The following KCND2 variants were observed in gnomAD, a reference collection of about 807,000 sequenced individuals.
KCND2 encodes the protein A-type voltage-gated potassium channel KCND2.
In KCND2, 16 loss-of-function variants were observed where a neutral mutation model predicts 54.4. The observed-to-expected ratio is 0.29, with a 90% CI of 0.20 to 0.45. The LOEUF is 0.45. Among genes scored for constraint, KCND2 ranks in the 20% least tolerant of loss-of-function variants. The pLI is 1.00. For synonymous variants in KCND2, 317 were observed against 310.7 expected (o/e 1.02, Z -0.21); for missense variants, 486 against 824.2 (o/e 0.59, Z 5.02).
chr7:120,360,370 T>G (rs1232673807), intron 1 of KCND2, among the ~76,000 whole-genome samples: 1 of 152,102 alleles, frequency 6.6e-6, no homozygotes. Context: ...ATTTGGTTTA[T>G]CAAAGCCTAT....
chr7:120,503,726 A>G (rs1389951698), intron 1 of KCND2, among the ~76,000 whole-genome samples: 1 of 151,964 alleles, frequency 6.6e-6, no homozygotes, highest in Non-Finnish European at 1.5e-5. Flanking sequence ...AAAACTAAAA[A>G]GATTCTAGAT....
At chr7:120,427,445 T>C (rs1168368153) in intron 1 of KCND2, among the ~76,000 whole-genome samples, 1 of 152,168 alleles carries the variant, frequency 6.6e-6, no homozygotes, top group Non-Finnish European at 1.5e-5. Context: ...TTTTAGTCTT[T>C]ACATTAGAAC....
intron 1 of KCND2, among the ~76,000 whole-genome samples, chr7:120,446,359 C>T (rs909404094): frequency 1.3e-5 from 2 of 152,132 alleles, no homozygotes; most frequent in Admixed American, 6.6e-5. Flanking sequence ...TGACATCTTG[C>T]AGTTGATCCT....
intron 1 of KCND2, among the ~76,000 whole-genome samples, chr7:120,638,889 A>G (rs891575415): frequency 7.2e-5 from 11 of 152,186 alleles, no homozygotes; most frequent in South Asian, 2.1e-4. Context: ...CTTGTGGGAT[A>G]TATGTGGTGT....
chr7:120,416,398 G>A (rs189211876), intron 1 of KCND2, among the ~76,000 whole-genome samples: 1 of 152,126 alleles, frequency 6.6e-6, no homozygotes, highest in African/African-American at 2.4e-5. Flanking sequence ...TTTTTACATA[G>A]CTCAAAAATC....
At chr7:120,500,160 C>A (rs1802911349) in intron 1 of KCND2, among the ~76,000 whole-genome samples, 1 of 152,102 alleles carries the variant, frequency 6.6e-6, no homozygotes, top group Admixed American at 6.6e-5. Context: ...GTCAGAAATT[C>A]TCTCTAATAT....
At chr7:120,746,107 C>A (rs1793003029) in intron 5 of KCND2, 80 bp downstream of exon 5, 3 of 1,506,120 alleles carry the variant, frequency 2.0e-6, no homozygotes, top group Non-Finnish European at 9.1e-7. Context: ...TTGTCACTTA[C>A]ATGGCATCTA....
intron 1 of KCND2, among the ~76,000 whole-genome samples, chr7:120,385,519 G>A (rs2116038246): frequency 1.3e-5 from 2 of 152,176 alleles, no homozygotes; most frequent in South Asian, 4.1e-4. Context: ...ATAAATAGAT[G>A]AATGCTGAAA....
intron 1 of KCND2, among the ~76,000 whole-genome samples, chr7:120,439,470 A>G (rs186843148): frequency 6.6e-5 from 10 of 152,244 alleles, no homozygotes; most frequent in Non-Finnish European, 1.2e-4. Context: ...GGTAATTAGC[A>G]TACCCATCAC....
chr7:120,442,358 C>T (rs1316979649), intron 1 of KCND2, among the ~76,000 whole-genome samples: 1 of 152,038 alleles, frequency 6.6e-6, no homozygotes, highest in African/African-American at 2.4e-5. Context: ...AGTTTTACGG[C>T]AGTCTTCACT....
At chr7:120,282,346 A>T (rs1275545106) in intron 1 of KCND2, among the ~76,000 whole-genome samples, 1 of 152,156 alleles carries the variant, frequency 6.6e-6, no homozygotes, top group Non-Finnish European at 1.5e-5. Flanking sequence ...ATAGGGAAAT[A>T]TTGTCTGTAA....
intron 1 of KCND2, among the ~76,000 whole-genome samples, chr7:120,715,785 G>C (rs1454873412): frequency 6.6e-6 from 1 of 151,946 alleles, no homozygotes; most frequent in Non-Finnish European, 1.5e-5. Context: ...CACTTTATAG[G>C]ACTCAAAATA....
chr7:120,554,471 C>A (rs1020994145), intron 1 of KCND2, among the ~76,000 whole-genome samples: 3 of 151,684 alleles, frequency 2.0e-5, no homozygotes, highest in African/African-American at 7.3e-5. Flanking sequence ...TACAGTGGCG[C>A]GATCTCAGCT....
chr7:120,311,957 T>C (rs1799741484), intron 1 of KCND2, among the ~76,000 whole-genome samples: 1 of 152,134 alleles, frequency 6.6e-6, no homozygotes, highest in Non-Finnish European at 1.5e-5. Flanking sequence ...TAGACTGGAG[T>C]GCAATGGCAC....
chr7:120,665,011 T>C (rs1478116876), intron 1 of KCND2, among the ~76,000 whole-genome samples: 1 of 152,094 alleles, frequency 6.6e-6, no homozygotes, highest in African/African-American at 2.4e-5. Flanking sequence ...TTGCTTTTCA[T>C]TTTACAAAAT....
rs558857794 is a variant in KCND2, at chr7:120,576,952, G to T, written c.1116-155951G>T. 2.0e-5 allele frequency among the ~76,000 whole-genome samples: 3 copies of T among 152,150 alleles called. No individual in the cohort carries two copies. In the South Asian group the frequency reaches 6.2e-4, roughly 32 times the overall value. ...GCCTGAGCTCAGGAGTTCAAGATCA[G>T]CCTGGGCAACACAGTGAAACTCCAT... On this transcript the variant is annotated intron_variant, in intron 1 of 5. Transcript: ENST00000331113.
At chr7:120,345,772 AT>A (rs1181200214) in intron 1 of KCND2, among the ~76,000 whole-genome samples, 2 of 152,176 alleles carry the variant, frequency 1.3e-5, no homozygotes, top group Non-Finnish European at 2.9e-5. Context: ...TTGCTTTCAC[AT>A]TTTGGTGATG....
At chr7:120,675,384 C>T (rs1228412169) in intron 1 of KCND2, among the ~76,000 whole-genome samples, 1 of 151,854 alleles carries the variant, frequency 6.6e-6, no homozygotes, top group Non-Finnish European at 1.5e-5. Flanking sequence ...ACCACCATGC[C>T]CAGCTAATTT....
intron 1 of KCND2, among the ~76,000 whole-genome samples, chr7:120,652,095 G>A (rs78025274): frequency 1.4e-5 from 2 of 138,858 alleles, no homozygotes; most frequent in African/African-American, 5.4e-5. Flanking sequence ...TTTTTTTTTT[G>A]AGATGGAGTC....
Sources: allele counts gnomAD v4.1 joint callset (sites outside exome capture counted in the v4.1 genomes callset), GRCh38; gene constraint gnomAD v4.1.1; transcripts MANE v1.5; gene names NCBI Gene and HGNC (gene_info 2026-07-23, HGNC 2026-07-21).